The following SLC17A1 variants were observed in gnomAD, a reference collection of about 807,000 sequenced individuals.
The protein encoded by SLC17A1 is sodium-dependent phosphate transport protein 1.
A neutral mutation model predicts 53.5 loss-of-function variants in SLC17A1; 51 were observed. The ratio of observed to expected loss-of-function variants is 0.95; its 90% CI spans 0.76 to 1.20. The LOEUF (loss-of-function observed/expected upper bound fraction) is 1.20. Among genes scored for constraint, SLC17A1 ranks in the 50% most tolerant of loss-of-function variants. SLC17A1 has a pLI of 0.00. For synonymous variants in SLC17A1, 179 were observed against 198.8 expected (o/e 0.90, Z 0.84); for missense variants, 538 against 568.2 (o/e 0.95, Z 0.54).
chr6:25,730,948 G>A, the SLC17A1 span, among the ~76,000 whole-genome samples: 2 of 152,162 alleles, frequency 1.3e-5, no homozygotes, highest in Non-Finnish European at 2.9e-5. Context: ...GACTGAAGTG[G>A]ATGGAGGTTG....
chr6:25,764,373 C>G, the SLC17A1 span, among the ~76,000 whole-genome samples: 2 of 152,176 alleles, frequency 1.3e-5, no homozygotes, highest in South Asian at 4.1e-4. Flanking sequence ...TGCCCCCCAC[C>G]ATGGGGAAGA....
At chr6:25,740,321 T>C in the SLC17A1 span, among the ~76,000 whole-genome samples, 1 of 152,022 alleles carries the variant, frequency 6.6e-6, no homozygotes, top group Non-Finnish European at 1.5e-5. Context: ...CTCCAGACAA[T>C]GGAAAAAACA....
chr6:25,724,366 TGAGCC>T, the SLC17A1 span, among the ~76,000 whole-genome samples: 1 of 152,176 alleles, frequency 6.6e-6, no homozygotes, highest in Admixed American at 6.5e-5. Context: ...GAGGTTGTAA[TGAGCC>T]GAGATCACGC....
the SLC17A1 span, among the ~76,000 whole-genome samples, chr6:25,756,282 C>A: frequency 6.6e-6 from 1 of 152,148 alleles, no homozygotes; most frequent in African/African-American, 2.4e-5. Context: ...AAAAACGTGA[C>A]AAACTTGCTG....
At chr6:25,813,271 C>T in intron 6 of SLC17A1, 58 bp from the exon 7 acceptor site, 1 of 1,377,296 alleles carries the variant, frequency 7.3e-7, no homozygotes, top group South Asian at 1.2e-5. Context: ...ATCTCTTTCC[C>T]AGAATGGCAT....
At chr6:25,751,218 C>G in the SLC17A1 span, among the ~76,000 whole-genome samples, 4,723 of 152,290 alleles carry the variant, frequency 0.031, 200 homozygotes, top group African/African-American at 0.09. Flanking sequence ...GAGATAATAT[C>G]ATAAAATTGT....
chr6:25,784,189 C>T (rs1380302924), intron 12 of SLC17A1, among the ~76,000 whole-genome samples: 1 of 152,142 alleles, frequency 6.6e-6, no homozygotes, highest in African/African-American at 2.4e-5. Flanking sequence ...TAATAACTGT[C>T]TAAACATGCT....
chr6:25,748,827 T>G, the SLC17A1 span, among the ~76,000 whole-genome samples: 1 of 152,204 alleles, frequency 6.6e-6, no homozygotes, highest in Non-Finnish European at 1.5e-5. Flanking sequence ...GATTTATGCT[T>G]CTCTCCACCC....
At chr6:25,745,266 A>T in the SLC17A1 span, among the ~76,000 whole-genome samples, 1 of 152,160 alleles carries the variant, frequency 6.6e-6, no homozygotes, top group African/African-American at 2.4e-5. Flanking sequence ...TTATATACAG[A>T]AATGTTAGTG....
chr6:25,791,425 A>G (rs540796199), intron 12 of SLC17A1, among the ~76,000 whole-genome samples: 2 of 152,354 alleles, frequency 1.3e-5, no homozygotes, highest in African/African-American at 4.8e-5. Context: ...TAGATATTAA[A>G]CTAAAACTAA....
intron 12 of SLC17A1, among the ~76,000 whole-genome samples, chr6:25,785,212 T>C (rs1230804044): frequency 6.6e-6 from 1 of 152,144 alleles, no homozygotes; most frequent in Non-Finnish European, 1.5e-5. Context: ...TACAAACTTA[T>C]ATTCGAAAAC....
chr6:25,726,104 A>ATT, the SLC17A1 span: 1 of 1,501,436 alleles, frequency 6.7e-7, no homozygotes, highest in Non-Finnish European at 8.9e-7. Flanking sequence ...TCTGACACAG[A>ATT]AGTCTTTTTA....
At chr6:25,803,160 A>G (rs894652890) in intron 10 of SLC17A1, among the ~76,000 whole-genome samples, 3 of 151,754 alleles carry the variant, frequency 2.0e-5, no homozygotes, top group Non-Finnish European at 2.9e-5. Flanking sequence ...ATTAGCCAGG[A>G]TGGTCTGACC....
the SLC17A1 span, among the ~76,000 whole-genome samples, chr6:25,768,745 C>T: frequency 5.9e-5 from 9 of 152,146 alleles, no homozygotes; most frequent in African/African-American, 2.2e-4. Flanking sequence ...AAGCTCTCCC[C>T]TAATGCTTGT....
At chr6:25,727,580 CGG>C in the SLC17A1 span, among the ~76,000 whole-genome samples, 32,176 of 151,214 alleles carry the variant, frequency 0.21, 4,331 homozygotes, top group Non-Finnish European at 0.3. Context: ...TTAGTAGAGA[CGG>C]GGTTTCACCA....
At chr6:25,774,213 G>T in the SLC17A1 span, among the ~76,000 whole-genome samples, 1 of 152,300 alleles carries the variant, frequency 6.6e-6, no homozygotes, top group East Asian at 1.9e-4. Context: ...CATAGAGAAA[G>T]AAAAGTGTGT....
At chr6:25,732,929 C>T in the SLC17A1 span, 1 of 233,894 alleles carries the variant, frequency 4.3e-6, no homozygotes, top group South Asian at 6.4e-5. Context: ...AATCAAAGGC[C>T]CTTTTCAGAG....
intron 12 of SLC17A1, among the ~76,000 whole-genome samples, chr6:25,796,807 A>G (rs1318196728): frequency 6.6e-6 from 1 of 152,206 alleles, no homozygotes; most frequent in Non-Finnish European, 1.5e-5. Context: ...TCATAATGAT[A>G]ATTTTACCTT....
chr6:25,801,742 C>G (rs1385957961), intron 10 of SLC17A1, among the ~76,000 whole-genome samples: 1 of 152,160 alleles, frequency 6.6e-6, no homozygotes, highest in Non-Finnish European at 1.5e-5. Flanking sequence ...CCTAGTCTTT[C>G]CCATTCCTAC....
Sources: allele counts gnomAD v4.1 joint callset (sites outside exome capture counted in the v4.1 genomes callset), GRCh38; gene constraint gnomAD v4.1.1; transcripts MANE v1.5; gene names NCBI Gene and HGNC (gene_info 2026-07-23, HGNC 2026-07-21).